Variants in ZMYND11 observed in about 807,000 individuals in gnomAD.
The protein encoded by ZMYND11 is zinc finger MYND-type containing 11.
In ZMYND11, 9 loss-of-function variants were observed where a neutral mutation model predicts 84.9. The ratio of observed to expected loss-of-function variants is 0.11; its 90% CI spans 0.06 to 0.18. The LOEUF (loss-of-function observed/expected upper bound fraction) is 0.18, where lower values mean the gene tolerates loss of function less well. ZMYND11 is among the 10% of genes least tolerant of loss of function. ZMYND11 has a pLI of 1.00. For synonymous variants in ZMYND11, 250 were observed against 244.1 expected, an observed-to-expected ratio of 1.02 and a Z score of -0.23; for missense variants, 409 against 761.0, an observed-to-expected ratio of 0.54 and a Z score of 5.44.
intron 2 of ZMYND11, among the ~76,000 whole-genome samples, chr10:209,070 C>T (rs1170981996): frequency 6.6e-6 from 1 of 151,402 alleles, no homozygotes; most frequent in Non-Finnish European, 1.5e-5. Context: ...GAGAGATCAG[C>T]GTTGAGGTTT....
At chr10:200,570 TC>T (rs1481505666) in intron 2 of ZMYND11, among the ~76,000 whole-genome samples, 1 of 151,828 alleles carries the variant, frequency 6.6e-6, no homozygotes, top group African/African-American at 2.4e-5. Context: ...AGCCACCACT[TC>T]CGGCTGGAAG....
chr10:156,009 C>T (rs1269636624), intron 1 of ZMYND11, among the ~76,000 whole-genome samples: 1 of 152,180 alleles, frequency 6.6e-6, no homozygotes, highest in African/African-American at 2.4e-5. Context: ...AGTGCAAAAG[C>T]CTGACCATTT....
chr10:242,392 G>A (rs1280447841), intron 10 of ZMYND11, among the ~76,000 whole-genome samples: 1 of 152,156 alleles, frequency 6.6e-6, no homozygotes, highest in Non-Finnish European at 1.5e-5. Flanking sequence ...TGAATTTATA[G>A]TACAGTGGGC....
In ZMYND11 at chr10:211,743, C is replaced by T. The variant is rs572677658; in HGVS notation, c.276+1695C>T. On this transcript the variant is annotated intron_variant, in intron 3 of 14. Coordinates refer to ENST00000381604, the MANE Select transcript of ZMYND11 (RefSeq NM_001370100.5). ...ATTTCATTTGTGCACTGGAAGTATTCTTGAAAAGTTAAGTGGAAATCTTTA... is the reference window on the plus strand; with the variant it reads ...ATTTCATTTGTGCACTGGAAGTATTTTTGAAAAGTTAAGTGGAAATCTTTA... Among the ~76,000 whole-genome samples, 5 of 152,268 alleles carry T rather than the reference C, an allele frequency of 3.3e-5. No homozygotes were observed. In the South Asian group the frequency reaches 1.0e-3, roughly 32 times the overall value.
intron 4 of ZMYND11, among the ~76,000 whole-genome samples, chr10:222,129 C>T (rs1947237662): frequency 1.3e-5 from 2 of 152,174 alleles, no homozygotes; most frequent in Non-Finnish European, 2.9e-5. Flanking sequence ...GAACCATGCA[C>T]ATTGTTGAGA....
At chr10:236,714 A>G (rs1418201728) in intron 4 of ZMYND11, 124 bp from the exon 5 acceptor site, 1 of 774,776 alleles carries the variant, frequency 1.3e-6, no homozygotes, top group African/African-American at 1.8e-5. Context: ...GATATGTTGG[A>G]AAAAGAGCAC....
At chr10:229,798 C>T (rs1432228904) in intron 4 of ZMYND11, among the ~76,000 whole-genome samples, 2 of 152,162 alleles carry the variant, frequency 1.3e-5, no homozygotes, top group Non-Finnish European at 2.9e-5. Flanking sequence ...TCCGCTGGAC[C>T]AGCTTCACTT....
At chr10:178,915 G>T (rs1163964949) in intron 1 of ZMYND11, among the ~76,000 whole-genome samples, 1 of 152,140 alleles carries the variant, frequency 6.6e-6, no homozygotes, top group East Asian at 1.9e-4. Context: ...CACAGAGGTA[G>T]AGAAAAAGGA....
chr10:212,876 C>T (rs1945498474), intron 3 of ZMYND11, among the ~76,000 whole-genome samples: 1 of 152,048 alleles, frequency 6.6e-6, no homozygotes, highest in Non-Finnish European at 1.5e-5. Flanking sequence ...AGAGGTTTTC[C>T]ATTAGAACAC....
At chr10:158,553 A>C (rs1309798094) in intron 1 of ZMYND11, among the ~76,000 whole-genome samples, 1 of 150,388 alleles carries the variant, frequency 6.6e-6, no homozygotes, top group East Asian at 1.9e-4. Context: ...AGTAGCTGGG[A>C]CTATAGGTGT....
chr10:204,179 T>C (rs1194009851), intron 2 of ZMYND11, among the ~76,000 whole-genome samples: 2 of 152,156 alleles, frequency 1.3e-5, no homozygotes, highest in Non-Finnish European at 2.9e-5. Flanking sequence ...TAGGGCTCCC[T>C]CTCCTTTCCT....
intron 1 of ZMYND11, among the ~76,000 whole-genome samples, chr10:169,743 G>C (rs1267193534): frequency 6.6e-6 from 1 of 152,116 alleles, no homozygotes; most frequent in African/African-American, 2.4e-5. Context: ...GAACTGAAAA[G>C]CAGAGAGAGA....
chr10:204,016 T>G (rs1943705658), intron 2 of ZMYND11, among the ~76,000 whole-genome samples: 1 of 152,196 alleles, frequency 6.6e-6, no homozygotes, highest in African/African-American at 2.4e-5. Context: ...AGATATATAT[T>G]TACATTATTT....
intron 2 of ZMYND11, among the ~76,000 whole-genome samples, chr10:189,756 A>C (rs926291157): frequency 3.9e-5 from 6 of 152,198 alleles, no homozygotes; most frequent in African/African-American, 1.2e-4. Context: ...AAGGCACATA[A>C]AATAATAAGG....
At chr10:238,250 A>ACTG (rs1333240481) in intron 6 of ZMYND11, among the ~76,000 whole-genome samples, 4 of 152,212 alleles carry the variant, frequency 2.6e-5, no homozygotes, top group African/African-American at 9.7e-5. Context: ...TTACTGAATT[A>ACTG]CTGATTTTGC....
At chr10:145,246 GTA>G (rs539971815) in intron 1 of ZMYND11, among the ~76,000 whole-genome samples, 25 of 149,166 alleles carry the variant, frequency 1.7e-4, no homozygotes, top group African/African-American at 3.2e-4. Flanking sequence ...GTGTGTGTAT[GTA>G]TATATATATA....
intron 2 of ZMYND11, among the ~76,000 whole-genome samples, chr10:203,536 G>A (rs1943607420): frequency 6.6e-6 from 1 of 152,008 alleles, no homozygotes; most frequent in Non-Finnish European, 1.5e-5. Flanking sequence ...TGTGGATTTT[G>A]GCAAACTGAC....
intron 2 of ZMYND11, among the ~76,000 whole-genome samples, chr10:201,715 C>T (rs1435370834): frequency 2.6e-5 from 4 of 151,760 alleles, no homozygotes; most frequent in African/African-American, 9.7e-5. Flanking sequence ...CATGGAAGCT[C>T]GCACCCTGGG....
chr10:249,984 A>AG (rs753365317), intron 14 of ZMYND11, among the ~76,000 whole-genome samples: 40 of 152,214 alleles, frequency 2.6e-4, no homozygotes, highest in Non-Finnish European at 4.6e-4. Context: ...AGATCTGTGG[A>AG]GGGAAAAAGA....
Sources: gnomAD v4.1 joint callset for allele counts (sites outside exome capture counted in the v4.1 genomes callset) on GRCh38, gnomAD v4.1.1 for gene constraint, MANE v1.5 for transcripts, NCBI Gene and HGNC (gene_info 2026-07-23, HGNC 2026-07-21) for gene names.